The following SLIT2 variants were observed in gnomAD, a reference collection of about 807,000 sequenced individuals.
The protein encoded by SLIT2 is slit guidance ligand 2, also known as slit homolog 2 protein.
Under a neutral mutation model 185.7 loss-of-function variants are expected in SLIT2, and 41 were observed. That is an observed-to-expected ratio of 0.22 (90% confidence interval 0.17 to 0.29). The LOEUF is 0.29. Ranked by LOEUF, SLIT2 falls within the 10% of genes least tolerant of loss-of-function variation. SLIT2 has a pLI of 1.00. For missense variants in SLIT2, 1,571 were observed against 1,909.0 expected (o/e 0.82, Z 3.30); for synonymous variants, 693 against 680.2 (o/e 1.02, Z -0.29).
intron 29 of SLIT2, among the ~76,000 whole-genome samples, chr4:20,586,570 CT>C (rs1396977974): frequency 6.6e-6 from 1 of 152,122 alleles, no homozygotes; most frequent in Admixed American, 6.5e-5. Context: ...AAAACCTTAC[CT>C]TATATGCTTG....
intron 4 of SLIT2, among the ~76,000 whole-genome samples, chr4:20,400,719 G>C (rs920477586): frequency 7.3e-5 from 11 of 151,698 alleles, no homozygotes; most frequent in African/African-American, 2.4e-4. Flanking sequence ...CTGCCCTAAG[G>C]AATGCGGGCA....
intron 4 of SLIT2, among the ~76,000 whole-genome samples, chr4:20,355,289 A>G (rs947807539): frequency 1.3e-5 from 2 of 152,192 alleles, no homozygotes; most frequent in Non-Finnish European, 2.9e-5. Flanking sequence ...CATGGCTTGC[A>G]AATTGATCTT....
At chr4:20,286,859 G>A (rs995839010) in intron 4 of SLIT2, among the ~76,000 whole-genome samples, 1 of 152,072 alleles carries the variant, frequency 6.6e-6, no homozygotes, top group African/African-American at 2.4e-5. Context: ...TTTGTATACA[G>A]GCACAGCAGT....
At chr4:20,411,375 A>G (rs1447313598) in intron 4 of SLIT2, among the ~76,000 whole-genome samples, 1 of 152,176 alleles carries the variant, frequency 6.6e-6, no homozygotes, top group Admixed American at 6.5e-5. Context: ...TCTTCCCAGT[A>G]TATAGATGAG....
intron 17 of SLIT2, 132 bp from the exon 18 acceptor site, chr4:20,533,440 T>A: frequency 1.5e-6 from 1 of 650,476 alleles, no homozygotes. Context: ...TGGAATCTTT[T>A]CAGAGCCCTG....
intron 4 of SLIT2, among the ~76,000 whole-genome samples, chr4:20,406,611 T>C (rs533692939): frequency 6.9e-6 from 1 of 144,536 alleles, no homozygotes; most frequent in East Asian, 2.5e-4. Flanking sequence ...CCATCACTTA[T>C]CTATTACTAT....
At chr4:20,427,930 G>A (rs1447667247) in intron 4 of SLIT2, among the ~76,000 whole-genome samples, 1 of 152,100 alleles carries the variant, frequency 6.6e-6, no homozygotes, top group Non-Finnish European at 1.5e-5. Flanking sequence ...ACTGAGAAGA[G>A]AAGAAAACCC....
intron 3 of SLIT2, among the ~76,000 whole-genome samples, chr4:20,264,895 T>C (rs186698585): frequency 6.6e-5 from 10 of 152,060 alleles, no homozygotes; most frequent in African/African-American, 2.4e-4. Context: ...GCAGATTCCA[T>C]TGAGGGGTGA....
chr4:20,511,420 CTT>C (rs1040955182), intron 11 of SLIT2, among the ~76,000 whole-genome samples: 4 of 122,020 alleles, frequency 3.3e-5, no homozygotes, highest in East Asian at 4.6e-4. Flanking sequence ...TTTTTTATTT[CTT>C]TTTTTTTTTT....
intron 3 of SLIT2, among the ~76,000 whole-genome samples, chr4:20,264,030 A>G (rs762819624): frequency 6.6e-6 from 1 of 151,900 alleles, no homozygotes; most frequent in Non-Finnish European, 1.5e-5. Flanking sequence ...AGTGTTTCTC[A>G]TAGTCTCTCT....
Position 20,619,100 on chromosome 4 carries a change from A to G in SLIT2, c.*91A>G. The G allele has an allele frequency of 7.5e-7, 1 of 1,324,718 alleles. No homozygotes were observed. Among genetic ancestry groups the G allele is most frequent in the South Asian group, 1.5e-5 (1 of 66,480 alleles). The allele number at this position is 1,324,718 out of a possible 1,614,324, so 82.1% of individuals were successfully genotyped here. ...ATGCTTCATAGTGGAAATATTTGAA[A>G]TATATTGTAAAATACAGAACAGACT... On this transcript the variant is annotated 3_prime_UTR_variant, in exon 37 of 37. Coordinates refer to ENST00000504154, the MANE Select transcript of SLIT2 (RefSeq NM_004787.4).
intron 5 of SLIT2, among the ~76,000 whole-genome samples, chr4:20,472,317 T>TATATATCTATATATAGATCTATATATAG (rs1715254972): frequency 6.2e-5 from 2 of 32,046 alleles, no homozygotes; most frequent in African/African-American, 1.8e-4. Context: ...TATATATAGA[T>TATATATCTATATATAGATCTATATATAG]ATATATATCT....
At chr4:20,500,131 C>T (rs1170050557) in intron 9 of SLIT2, among the ~76,000 whole-genome samples, 1 of 152,030 alleles carries the variant, frequency 6.6e-6, no homozygotes, top group Non-Finnish European at 1.5e-5. Context: ...AAGAAATAGT[C>T]AATATTCTGA....
At chr4:20,452,088 TAAA>T (rs1264251199) in intron 4 of SLIT2, among the ~76,000 whole-genome samples, 2 of 152,236 alleles carry the variant, frequency 1.3e-5, no homozygotes, top group African/African-American at 2.4e-5. Context: ...TTCCACAAGA[TAAA>T]GAAGCATTTG....
chr4:20,279,911 G>A (rs1714553461), intron 4 of SLIT2, among the ~76,000 whole-genome samples: 1 of 152,128 alleles, frequency 6.6e-6, no homozygotes, highest in South Asian at 2.1e-4. Flanking sequence ...ATCCAGCCTA[G>A]TACAGGTCGG....
At position 20,619,221 on chromosome 4, in the gene SLIT2, GAAGA is replaced by G. The variant is rs1244842037; in HGVS notation, c.*217_*220del. ...AGCTTCCCCTATGCTGGAGAAGTATGAAGAAAGATATACCTGGAGACATTAGAAC... is the reference window on the plus strand; with the variant it reads ...AGCTTCCCCTATGCTGGAGAAGTATGAAGATATACCTGGAGACATTAGAAC... On this transcript the variant is annotated 3_prime_UTR_variant, in exon 37 of 37. Coordinates refer to ENST00000504154, the MANE Select transcript of SLIT2 (RefSeq NM_004787.4). 4.0e-6 allele frequency: 2 copies of G among 498,002 alleles called. No individual in the cohort carries two copies. Among genetic ancestry groups the G allele is most frequent in the East Asian group, 7.0e-5 (2 of 28,642 alleles). 30.8% of individuals were successfully genotyped at this position (498,002 alleles called of 1,614,324 possible). A position where few individuals can be genotyped will look rare whatever the true frequency, so the allele number is the denominator to read the frequency against.
chr4:20,453,448 A>G (rs1712701241), intron 4 of SLIT2, among the ~76,000 whole-genome samples: 1 of 152,206 alleles, frequency 6.6e-6, no homozygotes, highest in African/African-American at 2.4e-5. Flanking sequence ...GTATTTCCAC[A>G]TTAAAATGGT....
intron 4 of SLIT2, among the ~76,000 whole-genome samples, chr4:20,448,026 G>A (rs1001190587): frequency 2.0e-5 from 3 of 152,146 alleles, no homozygotes; most frequent in African/African-American, 7.2e-5. Context: ...TCATAGGCTA[G>A]GATTTTACCA....
intron 29 of SLIT2, among the ~76,000 whole-genome samples, chr4:20,580,808 G>A (rs1452222181): frequency 1.3e-5 from 2 of 152,126 alleles, no homozygotes; most frequent in South Asian, 2.1e-4. Flanking sequence ...AGCACGGGGA[G>A]CCTTGTCATG....
Sources: allele counts gnomAD v4.1 joint callset (sites outside exome capture counted in the v4.1 genomes callset), GRCh38; gene constraint gnomAD v4.1.1; transcripts MANE v1.5; gene names NCBI Gene and HGNC (gene_info 2026-07-23, HGNC 2026-07-21).